The following SLC9B1 variants were observed in gnomAD, a reference collection of about 807,000 sequenced individuals.
SLC9B1 encodes solute carrier family 9 member B1.
SLC9B1 carries 32 observed loss-of-function variants against 51.7 expected under a neutral mutation model. The ratio of observed to expected loss-of-function variants is 0.62; its 90% CI spans 0.47 to 0.83. The LOEUF is 0.83. Among genes scored for constraint, SLC9B1 ranks in the 40% least tolerant of loss-of-function variants. The pLI is 0.00. For missense variants in SLC9B1, 406 were observed against 613.2 expected, an observed-to-expected ratio of 0.66 and a Z score of 3.57; for synonymous variants, 145 against 212.7, an observed-to-expected ratio of 0.68 and a Z score of 2.77.
At chr4:102,984,303 G>A (rs1197524516) in intron 3 of SLC9B1, among the ~76,000 whole-genome samples, 1 of 151,988 alleles carries the variant, frequency 6.6e-6, no homozygotes, top group Non-Finnish European at 1.5e-5. Context: ...TCTTTGTAGA[G>A]ACAGGGCTTC....
intron 3 of SLC9B1, among the ~76,000 whole-genome samples, chr4:102,950,975 A>G (rs1233783146): frequency 2.6e-5 from 4 of 152,194 alleles, no homozygotes; most frequent in African/African-American, 9.6e-5. Context: ...AGCCTAGGTA[A>G]CAAGAGCAAA....
intron 3 of SLC9B1, among the ~76,000 whole-genome samples, chr4:102,980,020 G>T (rs994330128): frequency 1.3e-5 from 2 of 152,286 alleles, no homozygotes; most frequent in African/African-American, 4.8e-5. Flanking sequence ...GATCATTAGA[G>T]AAATGCAAAT....
intron 3 of SLC9B1, among the ~76,000 whole-genome samples, chr4:102,981,969 A>T (rs920276204): frequency 2.6e-5 from 4 of 152,102 alleles, no homozygotes; most frequent in African/African-American, 9.7e-5. Flanking sequence ...CCTAAAACTC[A>T]TTACCATACC....
chr4:102,984,374 G>C (rs537265612), intron 3 of SLC9B1, among the ~76,000 whole-genome samples: 1 of 152,188 alleles, frequency 6.6e-6, no homozygotes, highest in African/African-American at 2.4e-5. Context: ...CCTCGGCCTA[G>C]CAGAGTACTG....
chr4:102,991,042 T>C (rs192232965), intron 2 of SLC9B1, among the ~76,000 whole-genome samples: 397 of 152,212 alleles, frequency 2.6e-3, no homozygotes, highest in African/African-American at 9.1e-3. Flanking sequence ...TTAAGTTTTA[T>C]TATTTTAGAA....
At chr4:102,896,278 T>C (rs931201428), downstream of SLC9B1, among the ~76,000 whole-genome samples, 1 of 152,220 alleles carries the variant, frequency 6.6e-6, no homozygotes, top group Non-Finnish European at 1.5e-5. Flanking sequence ...GGTCCATCTC[T>C]TGCTGTGAAG....
chr4:103,011,531 T>G (rs1741086002), intron 1 of SLC9B1, among the ~76,000 whole-genome samples: 2 of 152,244 alleles, frequency 1.3e-5, no homozygotes, highest in Admixed American at 1.3e-4. Context: ...TATCCCTGAC[T>G]CCACAGCTCT....
chr4:102,908,870 A>G (rs1482915242), intron 9 of SLC9B1, among the ~76,000 whole-genome samples: 1 of 152,416 alleles, frequency 6.6e-6, no homozygotes, highest in Non-Finnish European at 1.5e-5. Flanking sequence ...AAAAAAATAA[A>G]TAACCCAATA....
At chr4:102,943,646 A>C (rs1333280230) in intron 6 of SLC9B1, among the ~76,000 whole-genome samples, 2 of 152,162 alleles carry the variant, frequency 1.3e-5, no homozygotes, top group African/African-American at 4.8e-5. Flanking sequence ...TCAGGAATGA[A>C]AAAACCAAAC....
At chr4:102,991,602 G>A (rs750281643) in intron 2 of SLC9B1, 41 bp downstream of exon 2, 2 of 1,266,926 alleles carry the variant, frequency 1.6e-6, no homozygotes, top group Non-Finnish European at 2.1e-6. Flanking sequence ...AGATCAGGTT[G>A]ATTTTATATC....
At chr4:102,975,743 T>A (rs1739038416) in intron 3 of SLC9B1, among the ~76,000 whole-genome samples, 1 of 151,172 alleles carries the variant, frequency 6.6e-6, no homozygotes, top group Admixed American at 6.6e-5. Flanking sequence ...TAATTTTGTA[T>A]TTTTTAGTAG....
intron 4 of SLC9B1, 124 bp downstream of exon 4, chr4:102,949,133 A>C: frequency 2.4e-6 from 2 of 817,890 alleles, no homozygotes. Flanking sequence ...AAATACATAC[A>C]TGAAGAAACT....
chr4:102,930,747 T>G (rs904997722), intron 7 of SLC9B1, among the ~76,000 whole-genome samples: 9 of 152,090 alleles, frequency 5.9e-5, no homozygotes, highest in Non-Finnish European at 1.2e-4. Flanking sequence ...GCAGCACAAC[T>G]AAGTATTATT....
At chr4:103,007,591 CTTTTTTT>C (rs58447131) in intron 1 of SLC9B1, among the ~76,000 whole-genome samples, 2 of 107,746 alleles carry the variant, frequency 1.9e-5, no homozygotes, top group African/African-American at 3.9e-5. Flanking sequence ...CTCTTGTCAT[CTTTTTTT>C]TTTTTTTTTT....
At chr4:102,915,407 T>A (rs1735531732) in intron 7 of SLC9B1, among the ~76,000 whole-genome samples, 1 of 152,208 alleles carries the variant, frequency 6.6e-6, no homozygotes, top group South Asian at 2.1e-4. Context: ...TTTCTTTTTC[T>A]TTTTTGAGAC....
intron 1 of SLC9B1, among the ~76,000 whole-genome samples, chr4:103,015,311 A>G (rs1045838888): frequency 2.6e-5 from 4 of 151,524 alleles, no homozygotes; most frequent in African/African-American, 4.8e-5. Flanking sequence ...TCAGGCCACA[A>G]TTTTTTTTAA....
In SLC9B1 at chr4:102,911,533, A is replaced by G. The variant is rs574792322; in HGVS notation, c.834T>C (p.Gly278=). ...TCLSIVFSSG[G]ILNNAIASIR... ...TAGAGGCTATGGCGTTATTAAGTAT[A>G]CCACCTGTAGGGGCACACAATAAAA... The change falls in exon 8 of 12, where the codon GGT becomes GGC. Residue 278 remains glycine, a synonymous_variant. Transcript: ENST00000296422. 1.6e-5 allele frequency: 26 copies of G among 1,589,242 alleles called. No individual in the cohort carries two copies. In the East Asian group the frequency reaches 3.6e-4, roughly 22 times the overall value.
At chr4:102,899,644 C>T (rs1284171608), downstream of SLC9B1, among the ~76,000 whole-genome samples, 1 of 152,050 alleles carries the variant, frequency 6.6e-6, no homozygotes, top group East Asian at 1.9e-4. Context: ...GAACTCCTGA[C>T]CTCGTGATCT....
At chr4:102,948,296 C>T (rs1737366552) in intron 4 of SLC9B1, among the ~76,000 whole-genome samples, 1 of 149,674 alleles carries the variant, frequency 6.7e-6, no homozygotes, top group Non-Finnish European at 1.5e-5. Flanking sequence ...AATCTAGTAT[C>T]ACAGTTATAC....
Sources: allele counts gnomAD v4.1 joint callset (sites outside exome capture counted in the v4.1 genomes callset), GRCh38; gene constraint gnomAD v4.1.1; transcripts MANE v1.5; gene names NCBI Gene and HGNC (gene_info 2026-07-23, HGNC 2026-07-21).